DOCK6: variants seen among roughly 807,000 people sequenced by gnomAD.
The protein encoded by DOCK6 is dedicator of cytokinesis protein 6.
Under a neutral mutation model 230.3 loss-of-function variants are expected in DOCK6, and 167 were observed. That is an observed-to-expected ratio of 0.73 (90% confidence interval 0.64 to 0.82). The LOEUF is 0.82. Among genes scored for constraint, DOCK6 ranks in the 40% least tolerant of loss-of-function variants. The pLI is 0.00. For missense variants in DOCK6, 2,598 were observed against 2,825.8 expected (o/e 0.92, Z 1.83); for synonymous variants, 1,148 against 1,185.0 (o/e 0.97, Z 0.64).
intron 13 of DOCK6, among the ~76,000 whole-genome samples, chr19:11,242,511 C>T (rs1338353812): frequency 6.6e-6 from 1 of 152,140 alleles, no homozygotes; most frequent in Non-Finnish European, 1.5e-5. Context: ...CCTGCCTCAG[C>T]CTCCCAGGTA....
chr19:11,202,403 G>A lies in DOCK6; in HGVS notation c.5442C>T (p.Asp1814=), dbSNP rs781076312. 9.3e-6 allele frequency: 15 copies of A among 1,613,658 alleles called. No individual in the cohort carries two copies. Among genetic ancestry groups the A allele is most frequent in the Non-Finnish European group, 1.3e-5 (15 of 1,179,808 alleles). Residue 1814 remains aspartate, a synonymous_variant, in exon 43 of 48, where the codon GAC becomes GAT. Coordinates refer to ENST00000294618, the MANE Select transcript of DOCK6 (RefSeq NM_020812.4). This position sits in a 1 kb window ranked among gnomAD's most constrained non-coding sequence, Gnocchi z 5.3. ...DSNPVDKSKL[D]SQKAYIQITY... ...TGGTTGGGGGACCCACCTTTTGTGA[G>A]TCAAGCTTGGACTTGTCCACAGGGT...
At chr19:11,233,434 TC>T in intron 21 of DOCK6, 68 bp from the exon 22 acceptor site, 1 of 1,536,452 alleles carries the variant, frequency 6.5e-7, no homozygotes, top group Admixed American at 2.0e-5. Context: ...CCCTTCCTAC[TC>T]AGCTAATCTC....
In DOCK6 at chr19:11,222,786, G is replaced by C. The variant is rs374401180; in HGVS notation, c.3189C>G (p.Pro1063=). ...GGGAGGGCGAGGCTGGAGGTGACAG[G>C]GGGCAGCAGGGGAGGTTGAGGGTCA... ...HYVTLNLPCC[P]LSPPASPSPS... Residue 1063 remains proline, a synonymous_variant, in exon 26 of 48, where the codon CCC becomes CCG. Transcript: ENST00000294618. This position sits in a 1 kb window ranked among gnomAD's most constrained non-coding sequence, Gnocchi z 4.0. The C allele has an allele frequency of 6.3e-7, 1 of 1,585,526 alleles. No homozygotes were observed. The highest frequency in any genetic ancestry group is 1.3e-5 in the African/African-American group (1 of 74,486).
At chr19:11,226,380 C>T (rs1033466518) in intron 24 of DOCK6, among the ~76,000 whole-genome samples, 18 of 152,150 alleles carry the variant, frequency 1.2e-4, no homozygotes, top group African/African-American at 3.6e-4. Context: ...GATCCAAGGC[C>T]GGGCGCGGTG....
At chr19:11,215,331 C>T in intron 32 of DOCK6, 56 bp downstream of exon 32, 2 of 1,514,624 alleles carry the variant, frequency 1.3e-6, no homozygotes, top group South Asian at 1.1e-5. Context: ...AAGCAATCCT[C>T]CTGCCTCGGC....
chr19:11,237,767 G>A lies in DOCK6; in HGVS notation c.1845C>T (p.Phe615=), dbSNP rs763348704. The change falls in exon 17 of 48, where the codon TTC becomes TTT. Residue 615 remains phenylalanine (F), a synonymous_variant. Coordinates refer to ENST00000294618, the MANE Select transcript of DOCK6 (RefSeq NM_020812.4). Reference sequence around the variant, plus strand: ...GAAGATGCAGCTTGAACTCCTCGTAGAACTCGGGGGACCTGGCAGAATCGG... The same window carrying A: ...GAAGATGCAGCTTGAACTCCTCGTAAAACTCGGGGGACCTGGCAGAATCGG... ...PVVYHNKSPE[F]YEEFKLHLPA... is the part of the protein sequence containing the mutation. The A allele has an allele frequency of 1.3e-6, 2 of 1,567,924 alleles. No individual in the cohort carries two copies. Among genetic ancestry groups the A allele is most frequent in the East Asian group, 4.7e-5 (2 of 42,264 alleles).
At chr19:11,223,151 C>A (rs767413297) in intron 24 of DOCK6, 45 bp from the exon 25 acceptor site, 1 of 1,577,506 alleles carries the variant, frequency 6.3e-7, no homozygotes, top group East Asian at 2.2e-5. Flanking sequence ...AAACCTCAGC[C>A]CCGACAGGGG....
At chr19:11,225,036 C>A (rs1246173201) in intron 24 of DOCK6, among the ~76,000 whole-genome samples, 1 of 151,698 alleles carries the variant, frequency 6.6e-6, no homozygotes, top group East Asian at 1.9e-4. Context: ...TGCACTCCCG[C>A]CTGGGCGACA....
At chr19:11,259,658 A>T (rs970221164) in intron 1 of DOCK6, among the ~76,000 whole-genome samples, 4 of 145,592 alleles carry the variant, frequency 2.7e-5, no homozygotes, top group Non-Finnish European at 4.5e-5. Flanking sequence ...CCCAGGTTCA[A>T]GCAATTCTCC....
intron 3 of DOCK6, 85 bp downstream of exon 3, chr19:11,252,698 A>T: frequency 1.3e-6 from 2 of 1,598,728 alleles, no homozygotes; most frequent in South Asian, 2.2e-5. Context: ...GTCACGGCCA[A>T]GCCAGGAGCT....
chr19:11,212,293 G>A, intron 35 of DOCK6, 142 bp from the exon 36 acceptor site: 1 of 957,192 alleles, frequency 1.0e-6, no homozygotes, highest in South Asian at 1.7e-5. Flanking sequence ...CCAGGCTGGA[G>A]TGCAGTGGCA....
rs564554926 is a variant in DOCK6 at position 11,217,376 on chromosome 19, C to G, written c.3566G>C (p.Arg1189Pro). ...LHDFAEGPGQ[R>P]SRLASMLDSD... ...GTCAAGCATTGAGGCCAGTCTTGAC[C>G]GCTGACCTGGGCCCTCTGGCAGGGA... Residue 1189 changes from arginine (R) to proline (P), a missense_variant, in exon 29 of 48, where the codon CGG becomes CCG. Arg to Pro is a moderately radical substitution (Grantham distance 103, BLOSUM62 -2). Coordinates refer to ENST00000294618, the MANE Select transcript of DOCK6 (RefSeq NM_020812.4). 6.2e-7 allele frequency: 1 copy of G among 1,613,136 alleles called. No homozygotes were observed. Among genetic ancestry groups the G allele is most frequent in the African/African-American group, 1.3e-5 (1 of 75,034 alleles).
intron 37 of DOCK6, among the ~76,000 whole-genome samples, chr19:11,211,033 C>G (rs151166672): frequency 6.6e-6 from 1 of 151,940 alleles, no homozygotes; most frequent in Non-Finnish European, 1.5e-5. Flanking sequence ...TCCCACTTAC[C>G]TGTCTCCTCA....
At chr19:11,217,527 C>T (rs1351742714) in intron 28 of DOCK6, 136 bp from the exon 29 acceptor site, 39 of 1,162,614 alleles carry the variant, frequency 3.4e-5, no homozygotes, top group African/African-American at 1.2e-4. Context: ...GAGGCAGAGG[C>T]GGGTGGATCA....
At chr19:11,203,957 ACAGCCC>A in intron 41 of DOCK6, 118 bp downstream of exon 41, 2 of 1,330,176 alleles carry the variant, frequency 1.5e-6, no homozygotes, top group Non-Finnish European at 2.1e-6. Flanking sequence ...CCTTGTGGCC[ACAGCCC>A]CAGCCCCAAG....
rs577823844 is a variant in DOCK6 at position 11,209,020 on chromosome 19, T to C, written c.4835A>G (p.Asn1612Ser). The change falls in exon 38 of 48, where the codon AAC becomes AGC. Residue 1612 changes from asparagine to serine, a missense_variant. Coordinates refer to ENST00000294618, the MANE Select transcript of DOCK6 (RefSeq NM_020812.4). ...CATGCACTGGGCGGCCTCGGCGTGG[T>C]TGCCCAGCTCCGCGTGCTTCCCGGC... ...NMAGKHAELG[N>S]HAEAAQCMVH... The C allele has an allele frequency of 6.8e-6, 11 of 1,611,814 alleles. No homozygotes were observed. In the African/African-American group the frequency reaches 1.3e-4, roughly 20 times the overall value.
chr19:11,252,393 T>C (rs2080131642), intron 4 of DOCK6, 89 bp downstream of exon 4: 2 of 1,588,756 alleles, frequency 1.3e-6, no homozygotes, highest in South Asian at 1.1e-5. Context: ...GCAGGGACAA[T>C]GGGCAGATAC....
At chr19:11,228,905 TCTCTTG>T in intron 23 of DOCK6, 29 bp downstream of exon 23, 1 of 1,605,018 alleles carries the variant, frequency 6.2e-7, no homozygotes, top group South Asian at 1.1e-5. Flanking sequence ...CCACTGGGGG[TCTCTTG>T]CCACCAGGCA....
rs2147827766 is a variant in DOCK6 at position 11,236,350 on chromosome 19, CT to C, written c.2387del (p.Gln796ArgfsTer3). On this transcript the variant is annotated frameshift_variant, in exon 20 of 48. Coordinates refer to ENST00000294618, the MANE Select transcript of DOCK6 (RefSeq NM_020812.4). LOFTEE classifies it high-confidence loss of function. The surrounding 1 kb of genome is among the most constrained non-coding windows in gnomAD (Gnocchi z 5.2). ...TCTGAGGCCACATTCGCTTACCAAT[CT>C]GGCCACTGATGATCGGGGGCCTGAT... ...LVIRPPIISGQIVNLGRGAFE... is the reference protein window; with the variant it reads ...LVIRPPIISGXIVNLGRGAFE... The C allele has an allele frequency of 6.4e-7, 1 of 1,550,686 alleles. No individual in the cohort carries two copies.
Sources: allele counts gnomAD v4.1 joint callset (sites outside exome capture counted in the v4.1 genomes callset), GRCh38; gene constraint gnomAD v4.1.1; non-coding constraint Gnocchi (gnomAD v3.1); transcripts MANE v1.5; gene names NCBI Gene and HGNC (gene_info 2026-07-23, HGNC 2026-07-21).